Variants in PCDHB1 observed in about 807,000 individuals in gnomAD.
PCDHB1 encodes the protein protocadherin beta 1.
A neutral mutation model predicts 43.5 loss-of-function variants in PCDHB1; 44 were observed. That is an observed-to-expected ratio of 1.01 (90% CI 0.79 to 1.30). The LOEUF (loss-of-function observed/expected upper bound fraction) is 1.30. PCDHB1 is among the 50% of genes most tolerant of loss of function. The probability of loss-of-function intolerance (pLI) is 0.00; values close to 1 mark genes in which losing one functional copy is unlikely to be tolerated. For synonymous variants in PCDHB1, 392 were observed against 400.8 expected (o/e 0.98, Z 0.26); for missense variants, 919 against 1,008.9 (o/e 0.91, Z 1.21).
chr5:141,058,138 T>C lies in PCDHB1; in HGVS notation c.*4211T>C, dbSNP rs1554267969. On this transcript the variant is annotated 3_prime_UTR_variant, in exon 1 of 1. Coordinates refer to ENST00000306549, the MANE Select transcript of PCDHB1 (RefSeq NM_013340.4). Reference sequence around the variant, plus strand: ...AGAAATTAACCTTGGTATAATTCTATGAAGTAAACTACAGATCTTATTCAA... The same window carrying C: ...AGAAATTAACCTTGGTATAATTCTACGAAGTAAACTACAGATCTTATTCAA... The C allele has an allele frequency of 6.6e-6, 1 of 152,232 alleles. No individual in the cohort carries two copies. Among genetic ancestry groups the C allele is most frequent in the Admixed American group, 6.5e-5 (1 of 15,282 alleles). 9.4% of individuals were successfully genotyped at this position (152,232 alleles called of 1,614,324 possible).
Position 141,053,016 on chromosome 5 carries a change from G to T in PCDHB1, c.1546G>T (p.Ala516Ser). 1 of 1,614,158 alleles carries T rather than the reference G, an allele frequency of 6.2e-7. No homozygotes were observed. The highest frequency in any genetic ancestry group is 8.5e-7 in the Non-Finnish European group (1 of 1,180,034). ...AAATTCAGGCAATGGGAAGCTCTAC[G>T]CGCTGAGAACCATGGATTATGAGGC... ...SINSGNGKLY[A>S]LRTMDYEAIQ... The change falls in exon 1 of 1, where the codon GCG becomes TCG. Residue 516 changes from alanine (A) to serine (S), a missense_variant. Transcript: ENST00000306549.
rs782119603 is a variant in PCDHB1, at chr5:141,052,971, G to C, written c.1501G>C (p.Val501Leu). Residue 501 changes from valine to leucine, a missense_variant, in exon 1 of 1, where the codon GTC becomes CTC. By Grantham distance (32) the Val-to-Leu change is conservative. Coordinates refer to ENST00000306549, the MANE Select transcript of PCDHB1 (RefSeq NM_013340.4). ...LLPPKNGDLSVFAYISINSGN... is the reference protein window; with the variant it reads ...LLPPKNGDLSLFAYISINSGN... ...GCCTCCAAAAAACGGAGATCTTTCA[G>C]TCTTTGCTTACATATCCATAAATTC... 2 of 1,614,162 alleles carry C rather than the reference G, an allele frequency of 1.2e-6. No individual in the cohort carries two copies. Among genetic ancestry groups the C allele is most frequent in the South Asian group, 2.2e-5 (2 of 91,084 alleles).
rs1378905450 is a variant in PCDHB1, at chr5:141,053,262, G to A, written c.1792G>A (p.Gly598Ser). 2 of 1,614,230 alleles carry A rather than the reference G, an allele frequency of 1.2e-6. No homozygotes were observed. Among genetic ancestry groups the A allele is most frequent in the Non-Finnish European group, 1.7e-6 (2 of 1,180,048 alleles). ...TKVVAVDGDS[G>S]QNSWLSYHLL... ...AGTGGTGGCTGTGGATGGTGACTCA[G>A]GTCAGAATTCTTGGCTTTCATATCA... Residue 598 changes from glycine (G) to serine (S), a missense_variant, in exon 1 of 1, where the codon GGT (glycine) becomes AGT (serine). Coordinates refer to ENST00000306549, the MANE Select transcript of PCDHB1 (RefSeq NM_013340.4).
rs1244926178 is a variant in PCDHB1 at position 141,056,801 on chromosome 5, C to T, written c.*2874C>T. The T allele has an allele frequency of 4.6e-5, 7 of 152,240 alleles. No homozygotes were observed. Among genetic ancestry groups the T allele is most frequent in the South Asian group, 2.1e-4 (1 of 4,822 alleles). 9.4% of individuals were successfully genotyped at this position (152,240 alleles called of 1,614,324 possible). A position where few individuals can be genotyped will look rare whatever the true frequency, so the allele number is the denominator to read the frequency against. On this transcript the variant is annotated 3_prime_UTR_variant, in exon 1 of 1. Transcript: ENST00000306549. ...TGTGTTTTTAGTAGAGACGGGGCTT[C>T]GCCATGTTGGCATTTCGCTATGTTG...
rs1751134268 is a variant in PCDHB1 at position 141,056,397 on chromosome 5, A to C, written c.*2470A>C. ...GCCTTCAATGTTAAAATGTTAAAGA[A>C]CAGATGAAGCAAATGCACTATATCA... On this transcript the variant is annotated 3_prime_UTR_variant, in exon 1 of 1. Coordinates refer to ENST00000306549, the MANE Select transcript of PCDHB1 (RefSeq NM_013340.4). 6.6e-6 allele frequency: 1 copy of C among 152,312 alleles called. No homozygotes were observed. The highest frequency in any genetic ancestry group is 2.1e-4 in the South Asian group (1 of 4,826). 9.4% of individuals were successfully genotyped at this position (152,312 alleles called of 1,614,324 possible).
chr5:141,052,898 T>A lies in PCDHB1; in HGVS notation c.1428T>A (p.Ala476=). The A allele has an allele frequency of 2.5e-6, 4 of 1,614,258 alleles. No individual in the cohort carries two copies. Among genetic ancestry groups the A allele is most frequent in the Non-Finnish European group, 3.4e-6 (4 of 1,180,054 alleles). The part of the protein sequence containing the change: ...SPAVFIGKVH[A]EDLDLGENAQ... Reference sequence around the variant, plus strand: ...CGGTTTTTATTGGCAAAGTCCATGCTGAGGATCTTGATTTGGGTGAGAATG... The same window carrying A: ...CGGTTTTTATTGGCAAAGTCCATGCAGAGGATCTTGATTTGGGTGAGAATG... The change falls in exon 1 of 1, where the codon GCT becomes GCA. Residue 476 remains alanine, a synonymous_variant. Transcript: ENST00000306549.
Position 141,055,773 on chromosome 5 carries a change from G to C in PCDHB1, c.*1846G>C, listed in dbSNP as rs1164403120. The C allele has an allele frequency of 2.6e-5, 4 of 152,230 alleles. No homozygotes were observed. Among genetic ancestry groups the C allele is most frequent in the African/African-American group, 9.6e-5 (4 of 41,470 alleles). The allele number at this position is 152,230 out of a possible 1,614,324, so 9.4% of individuals were successfully genotyped here. ...GAAATGGAGTGGGGAGACAACTTAA[G>C]CTTCTCTTTGATCACCACTGTTTGA... On this transcript the variant is annotated 3_prime_UTR_variant, in exon 1 of 1. Coordinates refer to ENST00000306549, the MANE Select transcript of PCDHB1 (RefSeq NM_013340.4).
chr5:141,052,745 GGATAC>G lies in PCDHB1; in HGVS notation c.1276_1280del (p.Asp426TrpfsTer4). On this transcript the variant is annotated frameshift_variant, in exon 1 of 1. Coordinates refer to ENST00000306549, the MANE Select transcript of PCDHB1 (RefSeq NM_013340.4). LOFTEE classifies it high-confidence loss of function. ...GCTATAATATCACCATTGTTGCCAT[GGATAC>G]TGGACCACCTAGCTTGTCTGCCGAG... The G allele has an allele frequency of 2.5e-6, 4 of 1,614,146 alleles. No individual in the cohort carries two copies. The highest frequency in any genetic ancestry group is 3.4e-6 in the Non-Finnish European group (4 of 1,180,016).
rs1751031658 is a variant in PCDHB1, at chr5:141,053,012, C to G, written c.1542C>G (p.Leu514=). The G allele has an allele frequency of 6.2e-7, 1 of 1,614,064 alleles. No individual in the cohort carries two copies. Among genetic ancestry groups the G allele is most frequent in the South Asian group, 1.1e-5 (1 of 91,084 alleles). The change falls in exon 1 of 1, where the codon CTC becomes CTG. Residue 514 remains leucine (L), a synonymous_variant. Transcript: ENST00000306549. ...YISINSGNGK[L]YALRTMDYEA... is the part of the protein sequence containing the mutation. ...CCATAAATTCAGGCAATGGGAAGCT[C>G]TACGCGCTGAGAACCATGGATTATG... is the stretch of plus-strand genomic sequence containing the variant.
chr5:141,053,930 C>T lies in PCDHB1; in HGVS notation c.*3C>T. ...AGGTATCTGATGACTATATGTAGCT[C>T]CTATTTACAGGCTCAGTGAGAGAAG... On this transcript the variant is annotated 3_prime_UTR_variant, in exon 1 of 1. Transcript: ENST00000306549. The T allele has an allele frequency of 6.2e-7, 1 of 1,601,716 alleles. No individual in the cohort carries two copies. The highest frequency in any genetic ancestry group is 8.5e-7 in the Non-Finnish European group (1 of 1,172,702).
chr5:141,057,125 C>T lies in PCDHB1; in HGVS notation c.*3198C>T, dbSNP rs1751149041. Reference sequence around the variant, plus strand: ...AGTGAAATTCATGAATACATATATACACACATACACAATGGACAGAAGATG... The same window carrying T: ...AGTGAAATTCATGAATACATATATATACACATACACAATGGACAGAAGATG... On this transcript the variant is annotated 3_prime_UTR_variant, in exon 1 of 1. Coordinates refer to ENST00000306549, the MANE Select transcript of PCDHB1 (RefSeq NM_013340.4). The T allele has an allele frequency of 6.6e-6, 1 of 152,148 alleles. No homozygotes were observed. Among genetic ancestry groups the T allele is most frequent in the South Asian group, 2.1e-4 (1 of 4,826 alleles). The allele number at this position is 152,148 out of a possible 1,614,324, so 9.4% of individuals were successfully genotyped here.
At position 141,051,666 on chromosome 5, in the gene PCDHB1, CTG is replaced by C; in HGVS notation, c.197_198del (p.Leu66ArgfsTer41). On this transcript the variant is annotated frameshift_variant, in exon 1 of 1. Coordinates refer to ENST00000306549, the MANE Select transcript of PCDHB1 (RefSeq NM_013340.4). LOFTEE classifies it high-confidence loss of function. ...VGKLAARGAR[L>X]VSEGNKMHFR... ...GAAGCTGGCTGCGCGCGGGGCGCGGCTGGTTTCCGAGGGCAACAAAATGCATT... is the reference window on the plus strand; with the variant it reads ...GAAGCTGGCTGCGCGCGGGGCGCGGCGTTTCCGAGGGCAACAAAATGCATT... 6.2e-7 allele frequency: 1 copy of C among 1,614,236 alleles called. No individual in the cohort carries two copies. Among genetic ancestry groups the C allele is most frequent in the Non-Finnish European group, 8.5e-7 (1 of 1,180,044 alleles).
rs1489170984 is a variant in PCDHB1 at position 141,055,274 on chromosome 5, A to T, written c.*1347A>T. 3.3e-5 allele frequency: 5 copies of T among 152,264 alleles called. No individual in the cohort carries two copies. Among genetic ancestry groups the T allele is most frequent in the African/African-American group, 1.2e-4 (5 of 41,450 alleles). The allele number at this position is 152,264 out of a possible 1,614,324, so 9.4% of individuals were successfully genotyped here. On this transcript the variant is annotated 3_prime_UTR_variant, in exon 1 of 1. Coordinates refer to ENST00000306549, the MANE Select transcript of PCDHB1 (RefSeq NM_013340.4). Reference sequence around the variant, plus strand: ...CCCTATCTCTACTAAAAATACAAAAATTAGTCAGTCGTGGTGGCACGCACC... The same window carrying T: ...CCCTATCTCTACTAAAAATACAAAATTTAGTCAGTCGTGGTGGCACGCACC...
chr5:141,053,965 A>G lies in PCDHB1; in HGVS notation c.*38A>G. ...GGCTCAGTGAGAGAAGAGAAGCAAA[A>G]TTTTATACTTGGTATGCAAAGATGT... is the stretch of plus-strand genomic sequence containing the variant. On this transcript the variant is annotated 3_prime_UTR_variant, in exon 1 of 1. Coordinates refer to ENST00000306549, the MANE Select transcript of PCDHB1 (RefSeq NM_013340.4). The G allele has an allele frequency of 6.5e-7, 1 of 1,531,292 alleles. No individual in the cohort carries two copies. Among genetic ancestry groups the G allele is most frequent in the Non-Finnish European group, 8.9e-7 (1 of 1,128,150 alleles). The allele number at this position is 1,531,292 out of a possible 1,614,324, so 94.9% of individuals were successfully genotyped here.
Position 141,051,448 on chromosome 5 carries a change from A to C in PCDHB1, c.-23A>C. 1 of 1,610,416 alleles carries C rather than the reference A, an allele frequency of 6.2e-7. No individual in the cohort carries two copies. The highest frequency in any genetic ancestry group is 1.1e-5 in the South Asian group (1 of 90,998). On this transcript the variant is annotated 5_prime_UTR_variant, in exon 1 of 1. Coordinates refer to ENST00000306549, the MANE Select transcript of PCDHB1 (RefSeq NM_013340.4). ...ATCCGCAACAGTTGGCTCTGATTGCAGAGAGCGCGCTTGTGAGAACTGATG... is the reference window on the plus strand; with the variant it reads ...ATCCGCAACAGTTGGCTCTGATTGCCGAGAGCGCGCTTGTGAGAACTGATG...
chr5:141,053,616 C>T lies in PCDHB1; in HGVS notation c.2146C>T (p.Gln716Ter). ...AGTGATCTTCATTATACATGTCTACCAAAAGATTAAATATAGAGAAAAGTT... is the reference window on the plus strand; with the variant it reads ...AGTGATCTTCATTATACATGTCTACTAAAAGATTAAATATAGAGAAAAGTT... ...VIVIFIIHVY[Q>*]KIKYREKFTI... The change falls in exon 1 of 1, where the codon CAA becomes TAA. Residue 716 changes from glutamine to a stop codon, truncating the protein, a stop_gained. Transcript: ENST00000306549. LOFTEE classifies it high-confidence loss of function. 1 of 1,613,706 alleles carries T rather than the reference C, an allele frequency of 6.2e-7. No individual in the cohort carries two copies.
chr5:141,053,558 C>G lies in PCDHB1; in HGVS notation c.2088C>G (p.Val696=), dbSNP rs1257362093. The stretch of plus-strand genomic sequence containing the variant: ...CTAAATATTTGGTCATTTCTCTGGT[C>G]ATCCTTTCCTTTCTCTTTCTCCTCT... ...PSTKYLVISL[V]ILSFLFLLSV... is the part of the protein sequence containing the mutation. Residue 696 remains valine (V), a synonymous_variant, in exon 1 of 1, where the codon GTC becomes GTG. Transcript: ENST00000306549. The G allele has an allele frequency of 3.7e-6, 6 of 1,613,932 alleles. No individual in the cohort carries two copies. Among genetic ancestry groups the G allele is most frequent in the Non-Finnish European group, 4.2e-6 (5 of 1,179,970 alleles).
rs1162754692 is a variant in PCDHB1, at chr5:141,058,969, G to C, written c.*5042G>C. On this transcript the variant is annotated 3_prime_UTR_variant, in exon 1 of 1. Coordinates refer to ENST00000306549, the MANE Select transcript of PCDHB1 (RefSeq NM_013340.4). ...AGCAAACTCTTTTATCTGAGATGAA[G>C]AGCAGATTTTTAAGACTGGAATTAT... is the stretch of plus-strand genomic sequence containing the variant. The C allele has an allele frequency of 3.3e-5, 5 of 152,056 alleles. No homozygotes were observed. Among genetic ancestry groups the C allele is most frequent in the Non-Finnish European group, 7.4e-5 (5 of 67,970 alleles). 9.4% of individuals were successfully genotyped at this position (152,056 alleles called of 1,614,324 possible).
rs781852734 is a variant in PCDHB1, at chr5:141,057,819, T to G, written c.*3892T>G. On this transcript the variant is annotated 3_prime_UTR_variant, in exon 1 of 1. Coordinates refer to ENST00000306549, the MANE Select transcript of PCDHB1 (RefSeq NM_013340.4). The stretch of plus-strand genomic sequence containing the variant: ...TAGGCCACTTGTTTTTGGAGAGAAC[T>G]CTGTACACCAGCTGAGATTAAGTCC... 6.6e-5 allele frequency: 10 copies of G among 152,240 alleles called. No homozygotes were observed. The highest frequency in any genetic ancestry group is 4.6e-4 in the Admixed American group (7 of 15,286). 9.4% of individuals were successfully genotyped at this position (152,240 alleles called of 1,614,324 possible).
Sources: allele counts gnomAD v4.1 joint callset, GRCh38; gene constraint gnomAD v4.1.1; transcripts MANE v1.5; gene names NCBI Gene and HGNC (gene_info 2026-07-23, HGNC 2026-07-21).